CACNA2D1: variants seen among roughly 807,000 people sequenced by gnomAD.
CACNA2D1 encodes the protein voltage-dependent calcium channel subunit alpha-2/delta-1.
A neutral mutation model predicts 171.5 loss-of-function variants in CACNA2D1; 53 were observed. The ratio of observed to expected loss-of-function variants is 0.31; its 90% confidence interval spans 0.25 to 0.39. CACNA2D1 has a LOEUF of 0.39. Among genes scored for constraint, CACNA2D1 ranks in the 10% least tolerant of loss-of-function variants. CACNA2D1 has a pLI of 1.00. For synonymous variants in CACNA2D1, 442 were observed against 443.1 expected, an observed-to-expected ratio of 1.00 and a Z score of 0.03; for missense variants, 903 against 1,299.8, an observed-to-expected ratio of 0.69 and a Z score of 4.69.
intron 3 of CACNA2D1, among the ~76,000 whole-genome samples, chr7:82,177,910 C>T (rs1413999321): frequency 6.6e-6 from 1 of 151,990 alleles, no homozygotes; most frequent in Non-Finnish European, 1.5e-5. Flanking sequence ...ATTTTTGCAG[C>T]CACATTACAG....
chr7:82,407,549 T>C (rs1378675102), intron 1 of CACNA2D1, among the ~76,000 whole-genome samples: 1 of 152,216 alleles, frequency 6.6e-6, no homozygotes, highest in African/African-American at 2.4e-5. Flanking sequence ...TACCAATTTA[T>C]GCTATTATAA....
chr7:82,069,551 G>A (rs1408775481), intron 7 of CACNA2D1, among the ~76,000 whole-genome samples: 1 of 152,134 alleles, frequency 6.6e-6, no homozygotes, highest in African/African-American at 2.4e-5. Context: ...TGATACATAG[G>A]ATGTGTTACG....
intron 2 of CACNA2D1, among the ~76,000 whole-genome samples, chr7:82,347,549 A>AC (rs1185141971): frequency 6.6e-6 from 1 of 151,780 alleles, no homozygotes; most frequent in Non-Finnish European, 1.5e-5. Context: ...TATATCCAAC[A>AC]CCCCCAATCT....
rs57228879 is a variant in CACNA2D1 at position 82,304,350 on chromosome 7, CAA to C, written c.294+30783_294+30784del. ...ATAATCCCATTAGTGGATATTAATC[CAA>C]AAAAAAAAAAAAAGAAAATCAGCGT... On this transcript the variant is annotated intron_variant, in intron 3 of 38. Coordinates refer to ENST00000356860, the MANE Select transcript of CACNA2D1 (RefSeq NM_000722.4). Among the ~76,000 whole-genome samples, 481 of 122,356 alleles carry C rather than the reference CAA, an allele frequency of 3.9e-3. 3 individuals carry two copies. The highest frequency in any genetic ancestry group is 0.012 in the African/African-American group (414 of 33,372). 80.3% of individuals were successfully genotyped at this position (122,356 alleles called of 152,430 possible).
intron 11 of CACNA2D1, among the ~76,000 whole-genome samples, chr7:82,037,704 A>C (rs1803474129): frequency 6.6e-6 from 1 of 152,192 alleles, no homozygotes; most frequent in South Asian, 2.1e-4. Flanking sequence ...GTTCTCAGTA[A>C]CCATTTGATG....
At chr7:82,135,341 T>G (rs1439990735) in intron 5 of CACNA2D1, among the ~76,000 whole-genome samples, 1 of 152,116 alleles carries the variant, frequency 6.6e-6, no homozygotes, top group Admixed American at 6.5e-5. Flanking sequence ...GTACTTATTT[T>G]GATATCAATA....
At chr7:82,214,433 G>A (rs1585118285) in intron 3 of CACNA2D1, among the ~76,000 whole-genome samples, 2 of 150,334 alleles carry the variant, frequency 1.3e-5, no homozygotes, top group East Asian at 1.9e-4. Context: ...GCAAGCCCAT[G>A]CGCAAGGTGG....
At chr7:82,026,196 A>C (rs1269093144) in intron 12 of CACNA2D1, among the ~76,000 whole-genome samples, 1 of 151,354 alleles carries the variant, frequency 6.6e-6, no homozygotes, top group African/African-American at 2.4e-5. Flanking sequence ...TGAACTTCTG[A>C]TAGGCAGCAT....
intron 3 of CACNA2D1, among the ~76,000 whole-genome samples, chr7:82,282,188 CTTCGGAGGCTGAG>C (rs1273432138): frequency 6.6e-6 from 1 of 152,114 alleles, no homozygotes; most frequent in Non-Finnish European, 1.5e-5. Context: ...GTCCCAGCTA[CTTCGGAGGCTGAG>C]GTAGGAGAAT....
At chr7:82,164,385 T>G (rs1418724913) in intron 4 of CACNA2D1, among the ~76,000 whole-genome samples, 1 of 151,980 alleles carries the variant, frequency 6.6e-6, no homozygotes, top group African/African-American at 2.4e-5. Context: ...ATTAAACATA[T>G]ATTGGGCATT....
Position 82,313,559 on chromosome 7 carries a change from T to C in CACNA2D1, c.294+21576A>G, listed in dbSNP as rs143735577. Among the ~76,000 whole-genome samples the C allele has an allele frequency of 4.2e-3, 646 of 152,288 alleles. 3 individuals are homozygous for C. Among genetic ancestry groups the C allele is most frequent in the African/African-American group, 0.015 (626 of 41,558 alleles). On this transcript the variant is annotated intron_variant, in intron 3 of 38. Coordinates refer to ENST00000356860, the MANE Select transcript of CACNA2D1 (RefSeq NM_000722.4). ...GACCACCTTTGTCCCATGCCTTCCA[T>C]TCTCTCCTAGAGCCAGTCTTGCCAT...
In CACNA2D1 at chr7:81,950,374, G is replaced by A; in HGVS notation, c.*18C>T. 1 of 1,613,068 alleles carries A rather than the reference G, an allele frequency of 6.2e-7. No individual in the cohort carries two copies. Among genetic ancestry groups the A allele is most frequent in the African/African-American group, 1.3e-5 (1 of 74,958 alleles). ...GCAGGGTCTGGAGTTTAACTATGCA[G>A]ATTTGGTTTTTAGAAGGTCATAACA... On this transcript the variant is annotated 3_prime_UTR_variant, in exon 39 of 39. Transcript: ENST00000356860.
At chr7:82,023,020 G>A (rs1314159021) in intron 12 of CACNA2D1, among the ~76,000 whole-genome samples, 1 of 151,806 alleles carries the variant, frequency 6.6e-6, no homozygotes, top group African/African-American at 2.4e-5. Flanking sequence ...GCAATCTTAA[G>A]TATGTATTGC....
chr7:82,160,626 G>A (rs73387942), intron 4 of CACNA2D1, among the ~76,000 whole-genome samples: 14,148 of 151,918 alleles, frequency 0.093, 1,112 homozygotes, highest in African/African-American at 0.2. Flanking sequence ...GTGCCACCAT[G>A]CCCAGATAAT....
Position 81,950,439 on chromosome 7 carries a change from A to G in CACNA2D1, c.3229T>C (p.Phe1077Leu). The G allele has an allele frequency of 6.2e-7, 1 of 1,613,356 alleles. No homozygotes were observed. Among genetic ancestry groups the G allele is most frequent in the Middle Eastern group, 1.7e-4 (1 of 6,052 alleles). ...CCAGATACCAGCCAAAGTAGTAGAA[A>G]CTGGATTCCAATGATATACCACAGG... ...PSLWYIIGIQ[F>L]LLLWLVSGST... Residue 1077 changes from phenylalanine to leucine, a missense_variant, in exon 39 of 39, where the codon TTT (phenylalanine) becomes CTT (leucine). Physicochemically the swap from Phe to Leu is conservative, Grantham distance 22. Around this residue, in one of 5 missense-constraint regions of CACNA2D1, gnomAD observed 38 missense variants for 29.2 expected, o/e 1.30. Transcript: ENST00000356860.
intron 4 of CACNA2D1, among the ~76,000 whole-genome samples, chr7:82,151,205 G>A (rs920639320): frequency 1.3e-5 from 2 of 152,030 alleles, no homozygotes; most frequent in African/African-American, 4.8e-5. Flanking sequence ...GCAAGGAAAG[G>A]GAATTCTGTG....
At chr7:82,336,639 T>C (rs183653029) in intron 2 of CACNA2D1, among the ~76,000 whole-genome samples, 3 of 152,324 alleles carry the variant, frequency 2.0e-5, no homozygotes, top group Admixed American at 2.0e-4. Context: ...AAGCAGATTA[T>C]TGAATTCTGT....
intron 12 of CACNA2D1, among the ~76,000 whole-genome samples, chr7:82,030,714 G>A (rs563907577): frequency 6.6e-5 from 10 of 151,796 alleles, no homozygotes; most frequent in African/African-American, 2.4e-4. Context: ...TATAAGTAGT[G>A]GCTTGCACTT....
chr7:81,953,027 C>A (rs550237416), intron 38 of CACNA2D1, among the ~76,000 whole-genome samples: 1 of 151,970 alleles, frequency 6.6e-6, no homozygotes, highest in South Asian at 2.1e-4. Flanking sequence ...GTAGCTGGGA[C>A]TATAGATGTG....
Sources: gnomAD v4.1 joint callset for allele counts (sites outside exome capture counted in the v4.1 genomes callset) on GRCh38, gnomAD v4.1.1 for gene constraint, gnomAD v4.1.1 regional missense constraint, MANE v1.5 for transcripts, NCBI Gene and HGNC (gene_info 2026-07-23, HGNC 2026-07-21) for gene names.